The following SOS1 variants were observed in gnomAD, a reference collection of about 807,000 sequenced individuals.
The protein encoded by SOS1 is SOS Ras/Rac guanine nucleotide exchange factor 1, also known as son of sevenless homolog 1.
In SOS1, 25 loss-of-function variants were observed where a neutral mutation model predicts 157.6. The ratio of observed to expected loss-of-function variants is 0.16; its 90% CI spans 0.12 to 0.22. The LOEUF is 0.22. Among genes scored for constraint, SOS1 ranks in the 10% least tolerant of loss-of-function variants. The probability of loss-of-function intolerance (pLI) is 1.00; values close to 1 mark genes in which losing one functional copy is unlikely to be tolerated. For missense variants in SOS1, 1,237 were observed against 1,599.1 expected, an observed-to-expected ratio of 0.77 and a Z score of 3.86; for synonymous variants, 528 against 534.0, an observed-to-expected ratio of 0.99 and a Z score of 0.16.
chr2:39,048,542 A>G (rs1212890183), intron 6 of SOS1, among the ~76,000 whole-genome samples: 1 of 152,008 alleles, frequency 6.6e-6, no homozygotes, highest in East Asian at 1.9e-4. Context: ...CTGGGATTAC[A>G]GGCTCCCACC....
intron 1 of SOS1, among the ~76,000 whole-genome samples, chr2:39,089,114 G>A (rs554049999): frequency 6.6e-6 from 1 of 152,276 alleles, no homozygotes; most frequent in African/African-American, 2.4e-5. Context: ...TCGTGATACT[G>A]ACAGAGTGGC....
At chr2:39,056,431 A>G (rs1358906974) in intron 4 of SOS1, among the ~76,000 whole-genome samples, 1 of 152,228 alleles carries the variant, frequency 6.6e-6, no homozygotes, top group Non-Finnish European at 1.5e-5. Flanking sequence ...AAAAGAAAAA[A>G]GAAAAGAAAT....
At chr2:39,102,624 G>A (rs13397127) in intron 1 of SOS1, among the ~76,000 whole-genome samples, 1 of 150,238 alleles carries the variant, frequency 6.7e-6, no homozygotes, top group African/African-American at 2.4e-5. Context: ...AAGTCCAGAA[G>A]ATCAGGTTAT....
At chr2:39,090,571 C>T (rs1672555973) in intron 1 of SOS1, among the ~76,000 whole-genome samples, 1 of 151,756 alleles carries the variant, frequency 6.6e-6, no homozygotes, top group Non-Finnish European at 1.5e-5. Flanking sequence ...TGGCAGGCGC[C>T]TGTAATCCCA....
At position 39,022,837 on chromosome 2, in the gene SOS1, C is replaced by T; in HGVS notation, c.1591G>A (p.Ala531Thr). The T allele has an allele frequency of 6.2e-7, 1 of 1,613,530 alleles. No homozygotes were observed. Among genetic ancestry groups the T allele is most frequent in the Non-Finnish European group, 8.5e-7 (1 of 1,179,700 alleles). The change falls in exon 10 of 23, where the codon GCT becomes ACT. Residue 531 changes from alanine (A) to threonine (T), a missense_variant. Physicochemically the swap from Ala to Thr is moderately conservative, Grantham distance 58. This residue lies in a region of SOS1 where 210 missense variants were observed against 220.2 expected (regional missense o/e 0.95). Coordinates refer to ENST00000402219, the MANE Select transcript of SOS1 (RefSeq NM_005633.4). ...ENSVIFSAKS[A>T]EEKNNWMAAL... ...GCCATCCAATTGTTTTTCTCTTCAG[C>T]TGACTTGGCAGAAAATATAACACTA...
At chr2:39,060,451 G>C (rs181671510) in intron 2 of SOS1, among the ~76,000 whole-genome samples, 3 of 152,308 alleles carry the variant, frequency 2.0e-5, no homozygotes, top group East Asian at 3.9e-4. Context: ...TTCTGAGACA[G>C]AGTCTTGCTC....
intron 1 of SOS1, among the ~76,000 whole-genome samples, chr2:39,072,720 A>G (rs1478003931): frequency 6.6e-6 from 1 of 152,208 alleles, no homozygotes; most frequent in Admixed American, 6.5e-5. Context: ...CAAACAAAGA[A>G]TTAGCTTAAA....
chr2:38,995,312 G>C lies in SOS1; in HGVS notation c.3157C>G (p.Pro1053Ala). 1.9e-6 allele frequency: 3 copies of C among 1,613,666 alleles called. No homozygotes were observed. Among genetic ancestry groups the C allele is most frequent in the Non-Finnish European group, 2.5e-6 (3 of 1,179,620 alleles). Residue 1053 changes from proline to alanine, a missense_variant, in exon 20 of 23, where the codon CCC (proline) becomes GCC (alanine). Pro to Ala is a conservative substitution (Grantham distance 27). This residue lies in a region of SOS1 where 43 missense variants were observed against 83.0 expected (regional missense o/e 0.52). Coordinates refer to ENST00000402219, the MANE Select transcript of SOS1 (RefSeq NM_005633.4). ...SNPRPGTMRH[P>A]TPLQQEPRKI... ...CTTGGCTCCTGCTGCAGAGGTGTGG[G>C]ATGCCTCATGGTACCTGGTCTTGGG...
At chr2:39,117,279 T>G (rs995234477) in intron 1 of SOS1, among the ~76,000 whole-genome samples, 1 of 152,098 alleles carries the variant, frequency 6.6e-6, no homozygotes, top group African/African-American at 2.4e-5. Flanking sequence ...CCGCCCACCT[T>G]GCTCTCCCAA....
chr2:39,071,565 G>A (rs1671794912), intron 1 of SOS1, among the ~76,000 whole-genome samples: 1 of 152,104 alleles, frequency 6.6e-6, no homozygotes, highest in Non-Finnish European at 1.5e-5. Context: ...TGTTAGAGAA[G>A]ATAATAAATG....
chr2:39,114,833 G>C (rs2148231822), intron 1 of SOS1, among the ~76,000 whole-genome samples: 1 of 152,230 alleles, frequency 6.6e-6, no homozygotes, highest in African/African-American at 2.4e-5. Context: ...CCTGACCACA[G>C]GTGATCCACC....
chr2:39,037,890 T>TAA (rs1670412726), intron 6 of SOS1, among the ~76,000 whole-genome samples: 2 of 152,134 alleles, frequency 1.3e-5, no homozygotes, highest in Non-Finnish European at 2.9e-5. Flanking sequence ...CTGAATACTT[T>TAA]AAGCCCACTA....
At chr2:39,016,525 C>CA (rs1447538223) in intron 10 of SOS1, among the ~76,000 whole-genome samples, 3 of 152,002 alleles carry the variant, frequency 2.0e-5, no homozygotes, top group African/African-American at 7.2e-5. Flanking sequence ...TCTTCCCTTT[C>CA]AAGAATCTTC....
At chr2:39,015,380 CACA>C (rs1669597401) in intron 10 of SOS1, among the ~76,000 whole-genome samples, 1 of 151,974 alleles carries the variant, frequency 6.6e-6, no homozygotes, top group Non-Finnish European at 1.5e-5. Context: ...CTAAAAATCT[CACA>C]ACTACTTAAA....
intron 5 of SOS1, 87 bp downstream of exon 5, chr2:39,054,527 A>G: frequency 3.9e-6 from 3 of 769,542 alleles, no homozygotes; most frequent in Non-Finnish European, 6.8e-6. Flanking sequence ...CAAATTAGTA[A>G]TGATGAACTG....
At chr2:39,004,030 GC>G (rs370498909) in intron 17 of SOS1, among the ~76,000 whole-genome samples, 35 of 152,262 alleles carry the variant, frequency 2.3e-4, no homozygotes, top group African/African-American at 8.2e-4. Flanking sequence ...GGCAAAAACT[GC>G]CCCCTGCTGA....
chr2:39,013,299 G>A (rs778478769), intron 13 of SOS1, among the ~76,000 whole-genome samples, 161 bp downstream of exon 13: 1 of 152,036 alleles, frequency 6.6e-6, no homozygotes, highest in Non-Finnish European at 1.5e-5. Context: ...CCATTTGCAG[G>A]TCTAAATGCT....
At chr2:39,113,189 T>G (rs923152365) in intron 1 of SOS1, among the ~76,000 whole-genome samples, 1 of 152,066 alleles carries the variant, frequency 6.6e-6, no homozygotes, top group Non-Finnish European at 1.5e-5. Context: ...CACTTAGTGT[T>G]TTATTCATTA....
intron 21 of SOS1, 152 bp from the exon 22 acceptor site, chr2:38,987,743 A>G (rs993624809): frequency 1.6e-6 from 1 of 613,630 alleles, no homozygotes; most frequent in Non-Finnish European, 2.9e-6. Flanking sequence ...ATAGTATTTC[A>G]TTAAAGCAAA....
Sources: allele counts gnomAD v4.1 joint callset (sites outside exome capture counted in the v4.1 genomes callset), GRCh38; gene constraint gnomAD v4.1.1; regional missense constraint gnomAD v4.1.1; transcripts MANE v1.5; gene names NCBI Gene and HGNC (gene_info 2026-07-23, HGNC 2026-07-21).